BORCS5: variants seen among roughly 807,000 people sequenced by gnomAD.
The protein encoded by BORCS5 is BLOC-1-related complex subunit 5.
BORCS5 carries 17 observed loss-of-function variants against 22.1 expected under a neutral mutation model. The ratio of observed to expected loss-of-function variants is 0.77; its 90% CI spans 0.53 to 1.15. The LOEUF (loss-of-function observed/expected upper bound fraction) is 1.15. BORCS5 is among the 50% of genes most tolerant of loss of function. BORCS5 has a pLI of 0.00. For missense variants in BORCS5, 247 were observed against 253.2 expected, an observed-to-expected ratio of 0.98 and a Z score of 0.17; for synonymous variants, 117 against 99.8, an observed-to-expected ratio of 1.17 and a Z score of -1.03.
intron 2 of BORCS5, among the ~76,000 whole-genome samples, chr12:12,411,135 G>A (rs1941721878): frequency 6.6e-6 from 1 of 152,088 alleles, no homozygotes; most frequent in African/African-American, 2.4e-5. Flanking sequence ...CTGAGACCAT[G>A]GGGTTTTCTA....
intron 2 of BORCS5, among the ~76,000 whole-genome samples, chr12:12,364,235 G>T (rs1288880251): frequency 1.3e-5 from 2 of 152,076 alleles, no homozygotes; most frequent in Admixed American, 6.6e-5. Flanking sequence ...AATTAGTTGG[G>T]TGTGGTGGCG....
intron 1 of BORCS5, among the ~76,000 whole-genome samples, chr12:12,359,251 G>A (rs1200077973): frequency 6.6e-6 from 1 of 152,098 alleles, no homozygotes; most frequent in African/African-American, 2.4e-5. Context: ...CTGGACTAAT[G>A]CTATAATTTT....
intron 2 of BORCS5, among the ~76,000 whole-genome samples, chr12:12,393,385 C>T (rs1266168452): frequency 6.6e-6 from 1 of 152,076 alleles, no homozygotes. Flanking sequence ...GGGACTACTG[C>T]TTCCACTTTC....
At chr12:12,439,315 T>A (rs2136130216) in intron 3 of BORCS5, among the ~76,000 whole-genome samples, 1 of 152,174 alleles carries the variant, frequency 6.6e-6, no homozygotes, top group South Asian at 2.1e-4. Context: ...AACCAGTGTT[T>A]TGGAGCATTC....
At chr12:12,401,983 G>A (rs897264162) in intron 2 of BORCS5, among the ~76,000 whole-genome samples, 1 of 150,948 alleles carries the variant, frequency 6.6e-6, no homozygotes, top group Admixed American at 6.6e-5. Flanking sequence ...GGAGAATGGC[G>A]TGAACCCGGG....
chr12:12,456,972 T>C, intron 3 of BORCS5, among the ~76,000 whole-genome samples: 1 of 152,104 alleles, frequency 6.6e-6, no homozygotes, highest in East Asian at 1.9e-4. Flanking sequence ...ATAGATATGT[T>C]GTGTCTATTT....
intron 2 of BORCS5, among the ~76,000 whole-genome samples, chr12:12,395,704 G>A (rs368822503): frequency 6.6e-6 from 1 of 152,004 alleles, no homozygotes; most frequent in East Asian, 1.9e-4. Context: ...AGGGAGCAGG[G>A]TATTAACATG....
At chr12:12,358,259 A>G (rs559102467) in intron 1 of BORCS5, among the ~76,000 whole-genome samples, 44 of 152,202 alleles carry the variant, frequency 2.9e-4, no homozygotes, top group Non-Finnish European at 5.0e-4. Flanking sequence ...TGCTAACGCA[A>G]ATTGGTTAAA....
intron 2 of BORCS5, among the ~76,000 whole-genome samples, chr12:12,401,168 T>C (rs115445374): frequency 0.016 from 2,485 of 152,344 alleles, 70 homozygotes; most frequent in African/African-American, 0.057. Flanking sequence ...CTAGGGTATG[T>C]AACTAGGAAC....
intron 3 of BORCS5, among the ~76,000 whole-genome samples, chr12:12,461,227 G>A (rs1943098654): frequency 1.3e-5 from 2 of 150,360 alleles, no homozygotes; most frequent in Non-Finnish European, 3.0e-5. Flanking sequence ...GGAGTGTAGC[G>A]GTGTGATCAC....
At chr12:12,438,371 A>AAAAAAAAAAAAAAAAAAAAC (rs1565915549) in intron 3 of BORCS5, among the ~76,000 whole-genome samples, 33 of 117,036 alleles carry the variant, frequency 2.8e-4, no homozygotes, top group African/African-American at 1.3e-3. Flanking sequence ...AAAAAAAAAA[A>AAAAAAAAAAAAAAAAAAAAC]AAAAAAAAAC....
intron 2 of BORCS5, among the ~76,000 whole-genome samples, chr12:12,414,691 C>CCG (rs1291053742): frequency 3.1e-5 from 1 of 31,994 alleles, no homozygotes; most frequent in Non-Finnish European, 7.6e-5. Context: ...GGGGGGCTGA[C>CCG]CCCCCCCACC....
rs546329914 is a variant in BORCS5 at position 12,359,662 on chromosome 12, G to A, written c.59-1544G>A. ...CAGGCGTGAGCCACCGTGCCCAGCC[G>A]CCTTGACTTAAAAAAAAAAAAAAAA... On this transcript the variant is annotated intron_variant, in intron 1 of 3. Transcript: ENST00000314565. Among the ~76,000 whole-genome samples, 354 of 133,116 alleles carry A rather than the reference G, an allele frequency of 2.7e-3. 2 individuals are homozygous for A. Among genetic ancestry groups the A allele is most frequent in the African/African-American group, 8.4e-3 (329 of 39,012 alleles). The allele number at this position is 133,116 out of a possible 152,430, so 87.3% of individuals were successfully genotyped here.
Position 12,435,869 on chromosome 12 carries a change from T to G in BORCS5, c.360+84T>G, listed in dbSNP as rs1264530081. 3.7e-6 allele frequency: 5 copies of G among 1,369,560 alleles called. No individual in the cohort carries two copies. The Admixed American group carries it at 1.1e-4, about 29-fold the overall frequency. 84.8% of individuals were successfully genotyped at this position (1,369,560 alleles called of 1,614,324 possible). On this transcript the variant is annotated intron_variant, in intron 3 of 3. Coordinates refer to ENST00000314565, the MANE Select transcript of BORCS5 (RefSeq NM_058169.6). ...GGATGCCATCTTAAGACTTGACATTTGTCACTATTGCTTTGAGGAGATTGC... is the reference window on the plus strand; with the variant it reads ...GGATGCCATCTTAAGACTTGACATTGGTCACTATTGCTTTGAGGAGATTGC...
At chr12:12,464,564 C>T (rs1201002338) in intron 3 of BORCS5, among the ~76,000 whole-genome samples, 1 of 152,046 alleles carries the variant, frequency 6.6e-6, no homozygotes, top group Non-Finnish European at 1.5e-5. Flanking sequence ...GAGTGTGGGC[C>T]TCAGTAGTTG....
At chr12:12,436,496 T>G (rs929374900) in intron 3 of BORCS5, among the ~76,000 whole-genome samples, 1 of 152,242 alleles carries the variant, frequency 6.6e-6, no homozygotes, top group Non-Finnish European at 1.5e-5. Context: ...TTCCAAAGTT[T>G]CCAGTCAAGA....
At chr12:12,360,640 G>A (rs899041249) in intron 1 of BORCS5, among the ~76,000 whole-genome samples, 2 of 144,832 alleles carry the variant, frequency 1.4e-5, no homozygotes, top group African/African-American at 5.1e-5. Flanking sequence ...TGAACTCCTG[G>A]ACTCTGGTGA....
At chr12:12,453,733 G>A (rs1942953827) in intron 3 of BORCS5, among the ~76,000 whole-genome samples, 1 of 152,114 alleles carries the variant, frequency 6.6e-6, no homozygotes, top group Non-Finnish European at 1.5e-5. Context: ...CATTTCAGTG[G>A]TTTTAGTATT....
intron 2 of BORCS5, among the ~76,000 whole-genome samples, chr12:12,405,199 G>A (rs181981374): frequency 2.4e-4 from 36 of 152,304 alleles, no homozygotes; most frequent in Non-Finnish European, 4.4e-4. Flanking sequence ...AGTCATAAAT[G>A]AGCTGTGTTG....
Sources: allele counts gnomAD v4.1 joint callset (sites outside exome capture counted in the v4.1 genomes callset), GRCh38; gene constraint gnomAD v4.1.1; transcripts MANE v1.5; gene names NCBI Gene and HGNC (gene_info 2026-07-23, HGNC 2026-07-21).